The following ZNF713 variants were observed in gnomAD, a reference collection of about 807,000 sequenced individuals.
ZNF713 encodes the protein zinc finger protein 713.
In ZNF713, 21 loss-of-function variants were observed where a neutral mutation model predicts 28.7. That is an observed-to-expected ratio of 0.73 (90% CI 0.52 to 1.05). The LOEUF is 1.05. Among genes scored for constraint, ZNF713 ranks in the 50% least tolerant of loss-of-function variants. The probability of loss-of-function intolerance (pLI) is 0.00; values close to 1 mark genes in which losing one functional copy is unlikely to be tolerated. For synonymous variants in ZNF713, 167 were observed against 178.0 expected (o/e 0.94, Z 0.49); for missense variants, 458 against 532.4 (o/e 0.86, Z 1.37).
At chr7:55,907,265 G>A (rs1158662127) in intron 2 of ZNF713, among the ~76,000 whole-genome samples, 2 of 152,008 alleles carry the variant, frequency 1.3e-5, no homozygotes, top group Non-Finnish European at 2.9e-5. Flanking sequence ...CCTTCTTTTG[G>A]GGCACTGGGG....
intron 4 of ZNF713, among the ~76,000 whole-genome samples, chr7:55,920,567 A>C (rs1338226832): frequency 6.6e-6 from 1 of 152,196 alleles, no homozygotes; most frequent in Admixed American, 6.5e-5. Flanking sequence ...GTTGGAAGCT[A>C]TAAGAGGTTT....
rs1177483911 is a variant in ZNF713, at chr7:55,938,885, G to GT, written c.308-93dup. ...GTATGCCTTGTACACATTACTGTCA[G>GT]TTTTATTTGGTAATTCGCTGTGCAA... On this transcript the variant is annotated intron_variant, in intron 6 of 6. Transcript: ENST00000429591. 9 of 1,312,420 alleles carry GT rather than the reference G, an allele frequency of 6.9e-6. No homozygotes were observed. In the African/African-American group the frequency reaches 1.2e-4, roughly 17 times the overall value. 81.3% of individuals were successfully genotyped at this position (1,312,420 alleles called of 1,614,324 possible).
At chr7:55,928,740 A>C (rs1323808309) in intron 6 of ZNF713, among the ~76,000 whole-genome samples, 1 of 152,226 alleles carries the variant, frequency 6.6e-6, no homozygotes, top group Non-Finnish European at 1.5e-5. Context: ...TTCATAGGAG[A>C]AACTTTAAAC....
chr7:55,939,810 T>C lies in ZNF713; in HGVS notation c.1136T>C (p.Phe379Ser), dbSNP rs377662093. Residue 379 changes from phenylalanine (F) to serine (S), a missense_variant, in exon 7 of 7, where the codon TTC (phenylalanine) becomes TCC (serine). Transcript: ENST00000429591. ...PYECGFCGKAFSQRTHLNQHE... is the reference protein window; with the variant it reads ...PYECGFCGKASSQRTHLNQHE... ...GAATGTGGTTTCTGTGGCAAAGCCT[T>C]CAGTCAGAGGACACATCTGAATCAA... The C allele has an allele frequency of 9.3e-6, 15 of 1,614,046 alleles. 1 individual carries two copies. The highest frequency in any genetic ancestry group is 1.3e-5 in the African/African-American group (1 of 74,900).
chr7:55,905,416 A>G (rs1310443250), intron 1 of ZNF713, among the ~76,000 whole-genome samples: 8 of 152,094 alleles, frequency 5.3e-5, no homozygotes, highest in Non-Finnish European at 1.0e-4. Context: ...CTCAGACAGA[A>G]CCACTACACA....
At chr7:55,891,505 C>T (rs943148827) in intron 1 of ZNF713, among the ~76,000 whole-genome samples, 3 of 113,506 alleles carry the variant, frequency 2.6e-5, no homozygotes, top group Non-Finnish European at 1.7e-5. Context: ...CATGGTGAGA[C>T]CTGGTCGCTA....
At chr7:55,911,428 C>T (rs1168337303) in intron 2 of ZNF713, among the ~76,000 whole-genome samples, 188 bp from the exon 3 acceptor site, 1 of 152,202 alleles carries the variant, frequency 6.6e-6, no homozygotes, top group Non-Finnish European at 1.5e-5. Flanking sequence ...GACACATGTA[C>T]ACCTCTGCCT....
chr7:55,922,537 C>CAA (rs71015126), intron 4 of ZNF713, among the ~76,000 whole-genome samples: 1 of 86,450 alleles, frequency 1.2e-5, no homozygotes, highest in African/African-American at 4.4e-5. Flanking sequence ...GACTCTGTCT[C>CAA]AAAAAAAAAA....
intron 6 of ZNF713, among the ~76,000 whole-genome samples, chr7:55,933,052 A>G (rs935751768): frequency 1.3e-5 from 2 of 151,282 alleles, no homozygotes; most frequent in Non-Finnish European, 2.9e-5. Flanking sequence ...CCTGACTAAC[A>G]TGGTGAAACC....
At chr7:55,922,172 C>T (rs571695981) in intron 4 of ZNF713, among the ~76,000 whole-genome samples, 2 of 151,534 alleles carry the variant, frequency 1.3e-5, no homozygotes, top group South Asian at 4.2e-4. Flanking sequence ...AGTGATCCAC[C>T]CACCTCGGCC....
intron 6 of ZNF713, among the ~76,000 whole-genome samples, chr7:55,932,500 A>G (rs13237835): frequency 0.058 from 8,588 of 147,620 alleles, 600 homozygotes; most frequent in African/African-American, 0.17. Context: ...ACTCCAGCCT[A>G]GGTGACAAAG....
chr7:55,919,262 T>C (rs1785939855), intron 4 of ZNF713, among the ~76,000 whole-genome samples: 2 of 152,072 alleles, frequency 1.3e-5, no homozygotes, highest in South Asian at 2.1e-4. Flanking sequence ...ACACCAAAGA[T>C]CTAACCCAGG....
intron 6 of ZNF713, among the ~76,000 whole-genome samples, chr7:55,932,860 C>T (rs1322128354): frequency 9.5e-5 from 11 of 116,332 alleles, no homozygotes; most frequent in African/African-American, 3.1e-4. Flanking sequence ...GTCCGCAGTC[C>T]GGCCTGGGCG....
At chr7:55,935,357 A>G (rs978204995) in intron 6 of ZNF713, among the ~76,000 whole-genome samples, 16 of 151,454 alleles carry the variant, frequency 1.1e-4, no homozygotes, top group Admixed American at 7.9e-4. Flanking sequence ...TTTAAAAAGA[A>G]TGAAGTAGAC....
chr7:55,901,185 G>C (rs1490355078), intron 1 of ZNF713, among the ~76,000 whole-genome samples: 1 of 152,174 alleles, frequency 6.6e-6, no homozygotes, highest in Admixed American at 6.6e-5. Flanking sequence ...AGTGGCTGGG[G>C]AGGACTCACA....
chr7:55,934,957 T>C (rs1394050376), intron 6 of ZNF713, among the ~76,000 whole-genome samples: 2 of 151,430 alleles, frequency 1.3e-5, no homozygotes, highest in Non-Finnish European at 2.9e-5. Context: ...GGCACGATCT[T>C]GGCTCACTGC....
chr7:55,925,576 G>A (rs1445889372), intron 6 of ZNF713, among the ~76,000 whole-genome samples: 1 of 152,078 alleles, frequency 6.6e-6, no homozygotes, highest in Admixed American at 6.6e-5. Flanking sequence ...AGCCGAGATT[G>A]CACCACTGCA....
intron 2 of ZNF713, among the ~76,000 whole-genome samples, chr7:55,909,023 C>G (rs187728427): frequency 6.6e-6 from 1 of 151,866 alleles, no homozygotes; most frequent in Non-Finnish European, 1.5e-5. Context: ...TGGTGAAACC[C>G]TGTCTCTACT....
chr7:55,938,586 C>T (rs983855472), intron 6 of ZNF713, among the ~76,000 whole-genome samples: 2 of 151,506 alleles, frequency 1.3e-5, no homozygotes, highest in African/African-American at 4.8e-5. Context: ...GCATTACAAT[C>T]AAGTCATTGG....
Sources: allele counts gnomAD v4.1 joint callset (sites outside exome capture counted in the v4.1 genomes callset), GRCh38; gene constraint gnomAD v4.1.1; transcripts MANE v1.5; gene names NCBI Gene and HGNC (gene_info 2026-07-23, HGNC 2026-07-21).